Variants in LRP2 observed in about 807,000 individuals in gnomAD.
LRP2 encodes LDL receptor related protein 2, also known as low-density lipoprotein receptor-related protein 2.
Under a neutral mutation model 531.0 loss-of-function variants are expected in LRP2, and 172 were observed. The observed-to-expected ratio is 0.32, with a 90% CI of 0.29 to 0.37. The LOEUF (loss-of-function observed/expected upper bound fraction) is 0.37. LRP2 is among the 10% of genes least tolerant of loss of function. LRP2 has a pLI of 1.00. For missense variants in LRP2, 5,167 were observed against 5,868.3 expected, an observed-to-expected ratio of 0.88 and a Z score of 3.90; for synonymous variants, 1,992 against 2,027.6, an observed-to-expected ratio of 0.98 and a Z score of 0.47.
chr2:169,275,836 C>A (rs1314949974), intron 13 of LRP2, among the ~76,000 whole-genome samples: 1 of 151,762 alleles, frequency 6.6e-6, no homozygotes, highest in Non-Finnish European at 1.5e-5. Context: ...GTAATGGAGG[C>A]CCAAAGCCAC....
intron 3 of LRP2, among the ~76,000 whole-genome samples, chr2:169,318,050 C>T (rs1684812860): frequency 6.6e-6 from 1 of 151,868 alleles, no homozygotes; most frequent in Admixed American, 6.6e-5. Flanking sequence ...GCACTCCAGC[C>T]TGGGTGAGAG....
chr2:169,344,564 A>G (rs1043174467), intron 1 of LRP2, among the ~76,000 whole-genome samples: 1 of 152,196 alleles, frequency 6.6e-6, no homozygotes, highest in African/African-American at 2.4e-5. Flanking sequence ...ATATATCCCA[A>G]TATTTTGTGA....
chr2:169,349,152 A>G (rs1322563945), intron 1 of LRP2, among the ~76,000 whole-genome samples: 1 of 152,232 alleles, frequency 6.6e-6, no homozygotes, highest in Non-Finnish European at 1.5e-5. Context: ...AAGTAAGGAA[A>G]TAAACAAACA....
intron 52 of LRP2, among the ~76,000 whole-genome samples, chr2:169,180,472 A>G (rs766444402): frequency 1.3e-5 from 2 of 152,218 alleles, no homozygotes; most frequent in Admixed American, 6.5e-5. Context: ...TAGCAAATGA[A>G]CCAGTTCAAC....
At position 169,177,963 on chromosome 2, in the gene LRP2, G is replaced by A. The variant is rs139363553; in HGVS notation, c.10233C>T (p.Phe3411=). ...TVYDGALPHP[F]AITIFEDTIY... The stretch of plus-strand genomic sequence containing the variant: ...TAGTGTCTTCAAAAATGGTAATAGC[G>A]AAAGGGTGAGGCAGTGCCCCATCAT... Residue 3411 remains phenylalanine (F), a synonymous_variant, in exon 53 of 79, where the codon TTC becomes TTT. Coordinates refer to ENST00000649046, the MANE Select transcript of LRP2 (RefSeq NM_004525.3). 511 of 1,614,166 alleles carry A rather than the reference G, an allele frequency of 3.2e-4. 1 individual carries two copies. In the African/African-American group the frequency reaches 5.3e-3, roughly 17 times the overall value.
At chr2:169,320,660 G>C in intron 2 of LRP2, 117 bp downstream of exon 2, 2 of 811,266 alleles carry the variant, frequency 2.5e-6, no homozygotes, top group East Asian at 5.2e-5. Flanking sequence ...AAAAGACTTG[G>C]GCCCAGACCT....
intron 31 of LRP2, 47 bp from the exon 32 acceptor site, chr2:169,226,635 C>T (rs1386466458): frequency 2.1e-6 from 3 of 1,451,998 alleles, no homozygotes; most frequent in Non-Finnish European, 2.9e-6. Context: ...CCACTATTCC[C>T]AGACATTTAG....
At chr2:169,168,853 G>A (rs1043255121) in intron 60 of LRP2, among the ~76,000 whole-genome samples, 177 bp from the exon 61 acceptor site, 6 of 152,206 alleles carry the variant, frequency 3.9e-5, no homozygotes, top group African/African-American at 1.4e-4. Flanking sequence ...AAGGGCAGTT[G>A]TCAGAGCCCA....
At chr2:169,311,383 G>A (rs1684593877) in intron 3 of LRP2, among the ~76,000 whole-genome samples, 1 of 152,226 alleles carries the variant, frequency 6.6e-6, no homozygotes, top group Non-Finnish European at 1.5e-5. Context: ...GTGTCCCAGA[G>A]ATTCTGGTAT....
intron 4 of LRP2, among the ~76,000 whole-genome samples, chr2:169,304,235 C>T (rs1361275091): frequency 6.6e-6 from 1 of 152,174 alleles, no homozygotes; most frequent in Non-Finnish European, 1.5e-5. Context: ...GTGGTACAGG[C>T]CTCTGGTGGT....
chr2:169,339,431 C>T (rs1685503897), intron 1 of LRP2, among the ~76,000 whole-genome samples: 1 of 152,190 alleles, frequency 6.6e-6, no homozygotes, highest in African/African-American at 2.4e-5. Context: ...ATCTATTCCA[C>T]ATGCGTTCAA....
At chr2:169,260,940 G>A (rs534503202) in intron 16 of LRP2, among the ~76,000 whole-genome samples, 1 of 152,050 alleles carries the variant, frequency 6.6e-6, no homozygotes, top group South Asian at 2.1e-4. Context: ...GAATATTTGA[G>A]AGAAGATGGC....
At chr2:169,256,992 C>T in intron 18 of LRP2, 132 bp downstream of exon 18, 1 of 997,212 alleles carries the variant, frequency 1.0e-6, no homozygotes, top group South Asian at 1.3e-5. Flanking sequence ...CTCCCATCAC[C>T]AATTAATTAT....
At chr2:169,301,073 G>A (rs1172417886) in intron 4 of LRP2, among the ~76,000 whole-genome samples, 1 of 152,078 alleles carries the variant, frequency 6.6e-6, no homozygotes, top group Non-Finnish European at 1.5e-5. Flanking sequence ...CAGCAAGAAA[G>A]CCTTCATTGT....
At chr2:169,328,458 A>AAG (rs1553515055) in intron 1 of LRP2, among the ~76,000 whole-genome samples, 39 of 144,624 alleles carry the variant, frequency 2.7e-4, no homozygotes, top group Admixed American at 9.7e-4. Context: ...AAAAAAAAAA[A>AAG]AAAAAAGAAA....
In LRP2 at chr2:169,154,611, CA is replaced by C; in HGVS notation, c.12152-9del. ...GCAACAAAGGAGAGCTACCTGTAAACAAACAAAGGGCTACTTTATCTGTTTG... is the reference window on the plus strand; with the variant it reads ...GCAACAAAGGAGAGCTACCTGTAAACAACAAAGGGCTACTTTATCTGTTTG... On this transcript the variant is annotated splice_polypyrimidine_tract_variant and intron_variant, in intron 65 of 78. Transcript: ENST00000649046. 1 of 1,613,104 alleles carries C rather than the reference CA, an allele frequency of 6.2e-7. No homozygotes were observed. The highest frequency in any genetic ancestry group is 8.5e-7 in the Non-Finnish European group (1 of 1,179,250).
At chr2:169,321,567 T>C (rs1684910293) in intron 1 of LRP2, among the ~76,000 whole-genome samples, 1 of 152,164 alleles carries the variant, frequency 6.6e-6, no homozygotes, top group Admixed American at 6.5e-5. Context: ...TTTCTTGAGT[T>C]CCTCACCTTA....
At chr2:169,149,705 T>C (rs1163524644) in intron 68 of LRP2, among the ~76,000 whole-genome samples, 1 of 151,864 alleles carries the variant, frequency 6.6e-6, no homozygotes, top group East Asian at 1.9e-4. Context: ...AGTGTGGTGG[T>C]GGGTGCCTAT....
At chr2:169,341,019 G>A (rs1371587321) in intron 1 of LRP2, among the ~76,000 whole-genome samples, 1 of 152,184 alleles carries the variant, frequency 6.6e-6, no homozygotes, top group Admixed American at 6.6e-5. Flanking sequence ...TAGAGGAAGA[G>A]ATAAAATACA....
Sources: allele counts gnomAD v4.1 joint callset (sites outside exome capture counted in the v4.1 genomes callset), GRCh38; gene constraint gnomAD v4.1.1; transcripts MANE v1.5; gene names NCBI Gene and HGNC (gene_info 2026-07-23, HGNC 2026-07-21).